The following SGCZ variants were observed in gnomAD, a reference collection of about 807,000 sequenced individuals.
The protein encoded by SGCZ is zeta-sarcoglycan.
In SGCZ, 40 loss-of-function variants were observed where a neutral mutation model predicts 41.3. The observed-to-expected ratio is 0.97, with a 90% confidence interval of 0.75 to 1.26. The LOEUF (loss-of-function observed/expected upper bound fraction) is 1.26. Ranked by LOEUF, SGCZ falls within the 50% of genes most tolerant of loss-of-function variation. The probability of loss-of-function intolerance (pLI) is 0.00; values close to 1 mark genes in which losing one functional copy is unlikely to be tolerated. For missense variants in SGCZ, 552 were observed against 369.8 expected, an observed-to-expected ratio of 1.49 and a Z score of -4.04; for synonymous variants, 206 against 137.5, an observed-to-expected ratio of 1.50 and a Z score of -3.49.
intron 4 of SGCZ, among the ~76,000 whole-genome samples, chr8:14,218,397 G>C (rs547411119): frequency 9.9e-5 from 15 of 152,266 alleles, no homozygotes; most frequent in African/African-American, 3.1e-4. Context: ...TTTTCAGAAA[G>C]TATTAAGTTA....
At chr8:14,401,377 G>A (rs374982025) in intron 2 of SGCZ, among the ~76,000 whole-genome samples, 1 of 150,622 alleles carries the variant, frequency 6.6e-6, no homozygotes, top group African/African-American at 2.5e-5. Flanking sequence ...ATGCTGGTGT[G>A]CTACACCCAA....
intron 1 of SGCZ, among the ~76,000 whole-genome samples, chr8:14,680,024 C>G (rs572116835): frequency 6.6e-6 from 1 of 152,018 alleles, no homozygotes; most frequent in Non-Finnish European, 1.5e-5. Flanking sequence ...GTAGGCTATA[C>G]CAGCTAGGTT....
At position 14,645,478 on chromosome 8, in the gene SGCZ, T is replaced by TTATATATATATATATATATATTTATA. The variant is rs1046258520; in HGVS notation, c.40-90553_40-90552insTATAAATATATATATATATATATATA. Among the ~76,000 whole-genome samples the TTATATATATATATATATATATTTATA allele has an allele frequency of 5.6e-5, 6 of 106,594 alleles. 1 individual carries two copies. The highest frequency in any genetic ancestry group is 1.8e-4 in the African/African-American group (6 of 33,972). 69.9% of individuals were successfully genotyped at this position (106,594 alleles called of 152,430 possible). On this transcript the variant is annotated intron_variant, in intron 1 of 7. Transcript: ENST00000382080. ...AGTATCATTGATTATATATATATAT[T>TTATATATATATATATATATATTTATA]TATATGTATATATATATATATATGG...
intron 5 of SGCZ, among the ~76,000 whole-genome samples, chr8:14,116,015 C>T (rs926115873): frequency 2.6e-5 from 4 of 152,016 alleles, no homozygotes; most frequent in African/African-American, 4.8e-5. Context: ...CTCAGCAGCA[C>T]TTTCATTGCT....
chr8:15,103,208 C>A (rs963698655), intron 1 of SGCZ, among the ~76,000 whole-genome samples: 2 of 151,970 alleles, frequency 1.3e-5, no homozygotes, highest in African/African-American at 4.8e-5. Flanking sequence ...TGCAACCAAC[C>A]TGGCCAACAC....
intron 2 of SGCZ, among the ~76,000 whole-genome samples, chr8:14,421,043 G>C (rs1430857256): frequency 6.6e-6 from 1 of 152,056 alleles, no homozygotes; most frequent in Non-Finnish European, 1.5e-5. Flanking sequence ...AAGATAATGA[G>C]ATGATTTTAT....
In SGCZ at chr8:14,343,714, A is replaced by G. The variant is rs79584792; in HGVS notation, c.235-19510T>C. ...AATCTAGATTCAGAGGAGACTCACA[A>G]TATCTGAATCACAGTGTCATGTCAT... On this transcript the variant is annotated intron_variant, in intron 2 of 7. Coordinates refer to ENST00000382080, the MANE Select transcript of SGCZ (RefSeq NM_139167.4). Among the ~76,000 whole-genome samples the G allele has an allele frequency of 1.7e-4, 26 of 152,292 alleles. No homozygotes were observed. In the East Asian group the frequency reaches 4.4e-3, roughly 26 times the overall value.
At chr8:14,732,455 G>A (rs903568379) in intron 1 of SGCZ, among the ~76,000 whole-genome samples, 6 of 152,132 alleles carry the variant, frequency 3.9e-5, no homozygotes, top group Non-Finnish European at 8.8e-5. Flanking sequence ...AAAGAGAGTG[G>A]TGGGGAAAAT....
intron 1 of SGCZ, among the ~76,000 whole-genome samples, chr8:14,944,209 T>C (rs888463886): frequency 6.6e-6 from 1 of 152,238 alleles, no homozygotes; most frequent in African/African-American, 2.4e-5. Context: ...TTTTAAGGAA[T>C]GCTGCTACAG....
intron 2 of SGCZ, among the ~76,000 whole-genome samples, chr8:14,413,657 T>A (rs1454074248): frequency 1.3e-5 from 2 of 152,028 alleles, no homozygotes; most frequent in African/African-American, 2.4e-5. Flanking sequence ...CTCAACATTT[T>A]AAAAATAAAG....
intron 1 of SGCZ, among the ~76,000 whole-genome samples, chr8:15,012,597 T>TATTTATATAACATATAAATATAG (rs1318517998): frequency 7.1e-6 from 1 of 140,024 alleles, no homozygotes; most frequent in African/African-American, 2.6e-5. Context: ...TATAAATATA[T>TATTTATATAACATATAAATATAG]ATTTATATAA....
chr8:14,150,994 A>G (rs1016907918), intron 5 of SGCZ, among the ~76,000 whole-genome samples: 3 of 152,160 alleles, frequency 2.0e-5, no homozygotes, highest in Admixed American at 1.3e-4. Context: ...ACTCATGAAC[A>G]TAGTAAAACG....
Position 14,558,574 on chromosome 8 carries a change from TAGAGAGAGAGAG to T in SGCZ, c.40-3660_40-3649del, listed in dbSNP as rs146179658. ...TGGGTGACAGAATGAGAATGACTCT[TAGAGAGAGAGAG>T]AGAGAGAGAGAGAGAGAGAGAGAGA... is the stretch of plus-strand genomic sequence containing the variant. On this transcript the variant is annotated intron_variant, in intron 1 of 7. Coordinates refer to ENST00000382080, the MANE Select transcript of SGCZ (RefSeq NM_139167.4). 8.4e-3 allele frequency among the ~76,000 whole-genome samples: 836 copies of T among 99,808 alleles called. 12 individuals are homozygous for T. Among genetic ancestry groups the T allele is most frequent in the African/African-American group, 0.031 (775 of 25,002 alleles). The allele number at this position is 99,808 out of a possible 152,430, so 65.5% of individuals were successfully genotyped here. A position where few individuals can be genotyped will look rare whatever the true frequency, so the allele number is the denominator to read the frequency against.
chr8:15,019,146 T>C (rs182848835), intron 1 of SGCZ, among the ~76,000 whole-genome samples: 1 of 152,164 alleles, frequency 6.6e-6, no homozygotes, highest in East Asian at 1.9e-4. Flanking sequence ...CTGGATGAGA[T>C]TTGGGCAGGG....
At chr8:14,212,684 A>G (rs1805858282) in intron 4 of SGCZ, among the ~76,000 whole-genome samples, 1 of 152,154 alleles carries the variant, frequency 6.6e-6, no homozygotes, top group Non-Finnish European at 1.5e-5. Context: ...CATCATAGCA[A>G]GAAGAAGGGA....
chr8:14,614,984 A>G (rs1806050698), intron 1 of SGCZ, among the ~76,000 whole-genome samples: 1 of 135,000 alleles, frequency 7.4e-6, no homozygotes, highest in Non-Finnish European at 1.6e-5. Context: ...GTACACACAT[A>G]TGTGTGTGTA....
chr8:15,031,919 CT>C (rs1448342140), intron 1 of SGCZ, among the ~76,000 whole-genome samples: 14 of 151,514 alleles, frequency 9.2e-5, no homozygotes, highest in Non-Finnish European at 1.5e-4. Context: ...CTCTCTCTCT[CT>C]CTCTCTCTCT....
intron 4 of SGCZ, among the ~76,000 whole-genome samples, chr8:14,165,567 T>C (rs1348588304): frequency 1.3e-5 from 2 of 152,124 alleles, no homozygotes; most frequent in African/African-American, 4.8e-5. Flanking sequence ...TCCAAATTTC[T>C]TTGGACATAA....
At chr8:14,285,047 C>T (rs921816160) in intron 3 of SGCZ, among the ~76,000 whole-genome samples, 12 of 152,038 alleles carry the variant, frequency 7.9e-5, no homozygotes, top group Admixed American at 7.9e-4. Flanking sequence ...GAGTGAGAGA[C>T]TTATTACATT....
Sources: gnomAD v4.1 joint callset for allele counts (sites outside exome capture counted in the v4.1 genomes callset) on GRCh38, gnomAD v4.1.1 for gene constraint, MANE v1.5 for transcripts, NCBI Gene and HGNC (gene_info 2026-07-23, HGNC 2026-07-21) for gene names.